Variants in GRAMD1B observed in about 807,000 individuals in gnomAD.
The protein encoded by GRAMD1B is GRAM domain containing 1B.
GRAMD1B carries 37 observed loss-of-function variants against 99.7 expected under a neutral mutation model. The observed-to-expected ratio is 0.37, with a 90% CI of 0.29 to 0.49. The LOEUF (loss-of-function observed/expected upper bound fraction) is 0.49. Among genes scored for constraint, GRAMD1B ranks in the 20% least tolerant of loss-of-function variants. The probability of loss-of-function intolerance (pLI) is 0.98; values close to 1 mark genes in which losing one functional copy is unlikely to be tolerated. For missense variants in GRAMD1B, 888 were observed against 1,009.2 expected, an observed-to-expected ratio of 0.88 and a Z score of 1.63; for synonymous variants, 427 against 387.6, an observed-to-expected ratio of 1.10 and a Z score of -1.19.
At chr11:123,509,669 T>G (rs567655149) in intron 2 of GRAMD1B, among the ~76,000 whole-genome samples, 23 of 152,352 alleles carry the variant, frequency 1.5e-4, no homozygotes, top group South Asian at 1.0e-3. Context: ...GAGCAGCCTG[T>G]TCCTCTCTTC....
At chr11:123,486,730 A>G (rs1937842282) in intron 2 of GRAMD1B, among the ~76,000 whole-genome samples, 1 of 152,218 alleles carries the variant, frequency 6.6e-6, no homozygotes, top group East Asian at 1.9e-4. Context: ...AGTATAATAT[A>G]ATGTAATAAA....
intron 2 of GRAMD1B, among the ~76,000 whole-genome samples, chr11:123,531,686 G>A (rs1943388822): frequency 6.8e-6 from 1 of 147,538 alleles, no homozygotes; most frequent in Non-Finnish European, 1.5e-5. Context: ...CCCTAAATGA[G>A]TTATTAAGGT....
intron 1 of GRAMD1B, among the ~76,000 whole-genome samples, chr11:123,479,313 T>A (rs567501749): frequency 6.6e-6 from 1 of 152,332 alleles, no homozygotes; most frequent in South Asian, 2.1e-4. Flanking sequence ...TAAGAGCATG[T>A]GGTAACTGTG....
rs7129308 is a variant in GRAMD1B at position 123,499,178 on chromosome 11, A to G, written c.452+18285A>G. Among the ~76,000 whole-genome samples the G allele has an allele frequency of 9.1e-3, 1,388 of 152,268 alleles. 62 individuals are homozygous for G. In the East Asian group the frequency reaches 0.12, roughly 13 times the overall value. ...GAGGTAATTAGGATTAGATTAGGTC[A>G]TCAGGGTGGAGCCCCCATGATGGAA... is the stretch of plus-strand genomic sequence containing the variant. On this transcript the variant is annotated intron_variant, in intron 2 of 19. Transcript: ENST00000635736.
At chr11:123,441,713 T>G (rs1283012862) in intron 1 of GRAMD1B, among the ~76,000 whole-genome samples, 2 of 152,118 alleles carry the variant, frequency 1.3e-5, no homozygotes, top group Non-Finnish European at 2.9e-5. Context: ...GGAAGATTAC[T>G]TGAGCCTGGG....
At chr11:123,379,000 A>G (rs1405960978) in intron 1 of GRAMD1B, among the ~76,000 whole-genome samples, 2 of 152,164 alleles carry the variant, frequency 1.3e-5, no homozygotes, top group African/African-American at 2.4e-5. Context: ...TTGGCAGGGC[A>G]TGTGGAGTTG....
intron 19 of GRAMD1B, chr11:123,619,667 G>A (rs1954878289): frequency 4.0e-6 from 1 of 248,074 alleles, no homozygotes; most frequent in Non-Finnish European, 6.4e-6. Context: ...CTGGGAAGAT[G>A]GCTGTACTTT....
chr11:123,605,312 C>T lies in GRAMD1B; in HGVS notation c.1167-10C>T. On this transcript the variant is annotated splice_polypyrimidine_tract_variant and intron_variant, in intron 9 of 19. Coordinates refer to ENST00000635736, the MANE Select transcript of GRAMD1B (RefSeq NM_001387025.1). Reference sequence around the variant, plus strand: ...GAGGGTAATGTGGACTCACTGGTGTCTCCTCTCAGATACTGTGAAGAGATC... The same window carrying T: ...GAGGGTAATGTGGACTCACTGGTGTTTCCTCTCAGATACTGTGAAGAGATC... 6.3e-7 allele frequency: 1 copy of T among 1,591,302 alleles called. No homozygotes were observed. Among genetic ancestry groups the T allele is most frequent in the Non-Finnish European group, 8.6e-7 (1 of 1,166,660 alleles).
At chr11:123,540,887 A>G (rs1033516469) in intron 2 of GRAMD1B, among the ~76,000 whole-genome samples, 3 of 152,246 alleles carry the variant, frequency 2.0e-5, no homozygotes, top group Admixed American at 1.3e-4. Context: ...TATCTGTCCA[A>G]TCTACTTGTA....
chr11:123,551,702 A>G (rs531714477), intron 2 of GRAMD1B, among the ~76,000 whole-genome samples: 28 of 152,296 alleles, frequency 1.8e-4, no homozygotes, highest in African/African-American at 6.0e-4. Context: ...ATGCATGCCC[A>G]TGTTTTAAAG....
At chr11:123,378,453 A>G (rs1056189765) in intron 1 of GRAMD1B, among the ~76,000 whole-genome samples, 2 of 152,170 alleles carry the variant, frequency 1.3e-5, no homozygotes, top group Admixed American at 1.3e-4. Context: ...CTTTTATCAA[A>G]TATATGATTT....
At chr11:123,420,424 T>A (rs568521018) in intron 1 of GRAMD1B, among the ~76,000 whole-genome samples, 18 of 152,322 alleles carry the variant, frequency 1.2e-4, no homozygotes, top group African/African-American at 4.1e-4. Context: ...GAGAAACTGA[T>A]TATGTGGCCT....
At chr11:123,560,017 G>C (rs1447659487) in intron 2 of GRAMD1B, among the ~76,000 whole-genome samples, 1 of 152,158 alleles carries the variant, frequency 6.6e-6, no homozygotes, top group Non-Finnish European at 1.5e-5. Flanking sequence ...CAGAGTCTCC[G>C]GGGAACATGG....
At chr11:123,363,589 T>TTTTTTTTTTTTTGTTTG in intron 1 of GRAMD1B, among the ~76,000 whole-genome samples, 1 of 152,140 alleles carries the variant, frequency 6.6e-6, no homozygotes, top group African/African-American at 2.4e-5. Context: ...TGTTTGTTTT[T>TTTTTTTTTTTTTGTTTG]TTTTGGCACT....
intron 2 of GRAMD1B, among the ~76,000 whole-genome samples, chr11:123,548,239 G>A (rs1032534073): frequency 2.0e-5 from 3 of 147,042 alleles, no homozygotes; most frequent in African/African-American, 7.5e-5. Flanking sequence ...CTCCTGACTT[G>A]TTCCCTTCCA....
intron 2 of GRAMD1B, among the ~76,000 whole-genome samples, chr11:123,481,300 C>G (rs1951590315): frequency 6.6e-6 from 1 of 152,042 alleles, no homozygotes; most frequent in South Asian, 2.1e-4. Flanking sequence ...ACTGAAACTA[C>G]AAAAATTAGC....
At chr11:123,592,517 T>C (rs1484325530) in intron 4 of GRAMD1B, among the ~76,000 whole-genome samples, 1 of 152,202 alleles carries the variant, frequency 6.6e-6, no homozygotes, top group Non-Finnish European at 1.5e-5. Context: ...GTTAGCCACA[T>C]AGCAGCTCTA....
At chr11:123,618,234 A>G (rs1017177613) in intron 17 of GRAMD1B, 3 of 851,304 alleles carry the variant, frequency 3.5e-6, no homozygotes, top group Non-Finnish European at 6.0e-6. Flanking sequence ...TTTTTTTCTC[A>G]TATACTCTCA....
chr11:123,623,898 C>T lies in GRAMD1B; in HGVS notation c.*1303C>T, dbSNP rs1260321898. The T allele has an allele frequency of 2.6e-5, 4 of 152,652 alleles. No homozygotes were observed. Among genetic ancestry groups the T allele is most frequent in the African/African-American group, 9.6e-5 (4 of 41,456 alleles). 9.5% of individuals were successfully genotyped at this position (152,652 alleles called of 1,614,324 possible). ...GTTGGAGTACAAATCCTGCTCTGGTCTCTGGCCCCACAGAGGTGTAAGATC... is the reference window on the plus strand; with the variant it reads ...GTTGGAGTACAAATCCTGCTCTGGTTTCTGGCCCCACAGAGGTGTAAGATC... On this transcript the variant is annotated 3_prime_UTR_variant, in exon 20 of 20. Coordinates refer to ENST00000635736, the MANE Select transcript of GRAMD1B (RefSeq NM_001387025.1).
Sources: gnomAD v4.1 joint callset for allele counts (sites outside exome capture counted in the v4.1 genomes callset) on GRCh38, gnomAD v4.1.1 for gene constraint, MANE v1.5 for transcripts, NCBI Gene and HGNC (gene_info 2026-07-23, HGNC 2026-07-21) for gene names.